Variants in RAD51B observed in about 807,000 individuals in gnomAD.
The protein encoded by RAD51B is RAD51 paralog B.
A neutral mutation model predicts 42.2 loss-of-function variants in RAD51B; 38 were observed. That is an observed-to-expected ratio of 0.90 (90% confidence interval 0.70 to 1.18). The LOEUF (loss-of-function observed/expected upper bound fraction) is 1.18, where lower values mean the gene tolerates loss of function less well. Among genes scored for constraint, RAD51B ranks in the 50% most tolerant of loss-of-function variants. The pLI is 0.00. For synonymous variants in RAD51B, 154 were observed against 145.2 expected (o/e 1.06, Z -0.43); for missense variants, 373 against 400.7 (o/e 0.93, Z 0.59).
At chr14:68,331,635 C>G (rs183725904) in intron 8 of RAD51B, among the ~76,000 whole-genome samples, 1 of 152,056 alleles carries the variant, frequency 6.6e-6, no homozygotes, top group Admixed American at 6.6e-5. Flanking sequence ...GGCCACATCG[C>G]TGAGACAGAT....
intron 7 of RAD51B, among the ~76,000 whole-genome samples, chr14:67,961,309 A>G (rs1242793885): frequency 3.3e-5 from 5 of 152,154 alleles, no homozygotes; most frequent in Admixed American, 2.0e-4. Context: ...CCCAGTTGGA[A>G]TTTCCTTTTT....
chr14:67,885,853 T>A lies in RAD51B; in HGVS notation c.453-16T>A. On this transcript the variant is annotated splice_polypyrimidine_tract_variant and intron_variant, in intron 5 of 10. Coordinates refer to ENST00000471583, the MANE Select transcript of RAD51B (RefSeq NM_133510.4). ...GAATTGACTGTTTTCGTTTGTGCTA[T>A]TTTTTTCACCCACAGACTGGTTGAA... 1 of 1,576,434 alleles carries A rather than the reference T, an allele frequency of 6.3e-7. No homozygotes were observed.
rs755503403 is a variant in RAD51B, at chr14:68,324,139, TA to T, written c.853+32161del. 7.8e-4 allele frequency among the ~76,000 whole-genome samples: 119 copies of T among 152,322 alleles called. 1 individual carries two copies. Among genetic ancestry groups the T allele is most frequent in the Middle Eastern group, 3.4e-3 (1 of 294 alleles). On this transcript the variant is annotated intron_variant, in intron 8 of 10. Transcript: ENST00000471583. Reference sequence around the variant, plus strand: ...TTTATTTTATAAGTGCCTGGCATATTAATAAATGGTATGTAGTTTACTTACA... The same window carrying T: ...TTTATTTTATAAGTGCCTGGCATATTATAAATGGTATGTAGTTTACTTACA...
At chr14:68,614,723 A>G (rs1255185292), downstream of RAD51B, among the ~76,000 whole-genome samples, 1 of 152,262 alleles carries the variant, frequency 6.6e-6, no homozygotes, top group Non-Finnish European at 1.5e-5. Context: ...ATAATATTCC[A>G]TGGTATGGAT....
At chr14:68,483,809 C>A (rs1401929170) in intron 10 of RAD51B, among the ~76,000 whole-genome samples, 1 of 152,184 alleles carries the variant, frequency 6.6e-6, no homozygotes, top group Non-Finnish European at 1.5e-5. Context: ...ATTTCCAAAG[C>A]TGAGGACATA....
chr14:68,584,366 C>T (rs1890354819), intron 10 of RAD51B, among the ~76,000 whole-genome samples: 1 of 152,168 alleles, frequency 6.6e-6, no homozygotes, highest in Admixed American at 6.5e-5. Flanking sequence ...TTCCTTCGAC[C>T]TCTTATAGCC....
At chr14:67,967,585 C>CA (rs1288954539) in intron 7 of RAD51B, among the ~76,000 whole-genome samples, 2 of 152,196 alleles carry the variant, frequency 1.3e-5, no homozygotes, top group Admixed American at 6.5e-5. Flanking sequence ...CATGCAAGTA[C>CA]AAAATCCAGT....
At chr14:67,924,254 T>A (rs1024455125) in intron 7 of RAD51B, among the ~76,000 whole-genome samples, 5 of 152,198 alleles carry the variant, frequency 3.3e-5, no homozygotes, top group African/African-American at 4.8e-5. Flanking sequence ...CTATTTATCC[T>A]TGTTTTAGTT....
chr14:67,826,559 T>C (rs903371007), intron 3 of RAD51B, among the ~76,000 whole-genome samples: 6 of 152,220 alleles, frequency 3.9e-5, no homozygotes, highest in African/African-American at 1.2e-4. Context: ...CTGCCTTATA[T>C]TGAAATTTAC....
intron 7 of RAD51B, among the ~76,000 whole-genome samples, chr14:68,016,195 G>T (rs1275998325): frequency 6.6e-6 from 1 of 152,098 alleles, no homozygotes; most frequent in Non-Finnish European, 1.5e-5. Flanking sequence ...CTTTTTATAA[G>T]CAAATACGGG....
At chr14:67,941,540 A>T (rs2045208309) in intron 7 of RAD51B, among the ~76,000 whole-genome samples, 1 of 152,096 alleles carries the variant, frequency 6.6e-6, no homozygotes, top group South Asian at 2.1e-4. Flanking sequence ...ATTCTAAGAG[A>T]CCTGTGAGAC....
chr14:67,912,907 T>C (rs1425471099), intron 7 of RAD51B, among the ~76,000 whole-genome samples: 1 of 152,128 alleles, frequency 6.6e-6, no homozygotes, highest in Non-Finnish European at 1.5e-5. Flanking sequence ...GGTTTCACCA[T>C]ATTGGCCAGG....
At chr14:68,002,029 CAG>C (rs1238765275) in intron 7 of RAD51B, among the ~76,000 whole-genome samples, 4 of 152,022 alleles carry the variant, frequency 2.6e-5, no homozygotes, top group African/African-American at 9.7e-5. Flanking sequence ...ATCTTTATAA[CAG>C]AATGATTTAT....
intron 10 of RAD51B, among the ~76,000 whole-genome samples, chr14:68,476,535 G>T (rs1882623714): frequency 6.6e-6 from 1 of 152,180 alleles, no homozygotes; most frequent in African/African-American, 2.4e-5. Flanking sequence ...CAATTAAAAT[G>T]TGCTCGTGGG....
At chr14:68,103,890 C>T (rs769164912) in intron 7 of RAD51B, among the ~76,000 whole-genome samples, 3 of 152,076 alleles carry the variant, frequency 2.0e-5, no homozygotes, top group East Asian at 1.9e-4. Context: ...GAATTTTGCA[C>T]GTTTAATATA....
At position 68,002,282 on chromosome 14, in the gene RAD51B, A is replaced by G. The variant is rs542232810; in HGVS notation, c.756+115078A>G. ...TGTGGTTTTGATTTGCATTTCTCCA[A>G]TGATCAATGATGTGGAGCTTTTTGT... On this transcript the variant is annotated intron_variant, in intron 7 of 10. Coordinates refer to ENST00000471583, the MANE Select transcript of RAD51B (RefSeq NM_133510.4). 9.3e-4 allele frequency among the ~76,000 whole-genome samples: 141 copies of G among 152,288 alleles called. 1 individual carries two copies. Among genetic ancestry groups the G allele is most frequent in the African/African-American group, 2.8e-3 (117 of 41,556 alleles).
At chr14:68,577,231 G>A (rs1216510057) in intron 10 of RAD51B, among the ~76,000 whole-genome samples, 1 of 152,132 alleles carries the variant, frequency 6.6e-6, no homozygotes, top group Admixed American at 6.5e-5. Flanking sequence ...GAGAGAGTTG[G>A]GAGGCAATAC....
chr14:68,092,373 A>C (rs1007836241), intron 7 of RAD51B, among the ~76,000 whole-genome samples: 69 of 152,092 alleles, frequency 4.5e-4, no homozygotes, highest in Middle Eastern at 3.4e-3. Context: ...CTTTTATTTC[A>C]TTGAGCAGTG....
At chr14:68,256,280 C>T (rs1375654051) in intron 7 of RAD51B, among the ~76,000 whole-genome samples, 1 of 152,126 alleles carries the variant, frequency 6.6e-6, no homozygotes. Context: ...CTGTCATGCA[C>T]CTGACCATTT....
Sources: allele counts gnomAD v4.1 joint callset (sites outside exome capture counted in the v4.1 genomes callset), GRCh38; gene constraint gnomAD v4.1.1; transcripts MANE v1.5; gene names NCBI Gene and HGNC (gene_info 2026-07-23, HGNC 2026-07-21).